The following CA8 variants were observed in gnomAD, a reference collection of about 807,000 sequenced individuals.
The protein encoded by CA8 is carbonic anhydrase-related protein.
Under a neutral mutation model 41.4 loss-of-function variants are expected in CA8, and 22 were observed. The ratio of observed to expected loss-of-function variants is 0.53; its 90% CI spans 0.38 to 0.76. The LOEUF is 0.76. Ranked by LOEUF, CA8 falls within the 30% of genes least tolerant of loss-of-function variation. The pLI is 0.00. For synonymous variants in CA8, 121 were observed against 130.6 expected, an observed-to-expected ratio of 0.93 and a Z score of 0.50; for missense variants, 270 against 352.8, an observed-to-expected ratio of 0.77 and a Z score of 1.88.
chr8:60,199,511 G>GT (rs1441252883), intron 8 of CA8, among the ~76,000 whole-genome samples: 1 of 152,146 alleles, frequency 6.6e-6, no homozygotes, highest in Non-Finnish European at 1.5e-5. Context: ...AATAAAAGCA[G>GT]TAAGAACTCA....
intron 3 of CA8, among the ~76,000 whole-genome samples, chr8:60,239,388 G>A (rs1807940239): frequency 6.6e-6 from 1 of 152,188 alleles, no homozygotes; most frequent in African/African-American, 2.4e-5. Context: ...GATACCCCTA[G>A]AGCAGGGGTG....
intron 8 of CA8, among the ~76,000 whole-genome samples, chr8:60,207,339 T>C (rs1352232373): frequency 2.6e-5 from 4 of 152,188 alleles, no homozygotes; most frequent in African/African-American, 9.7e-5. Context: ...TATGAACATA[T>C]ACAATGTCTA....
intron 7 of CA8, among the ~76,000 whole-genome samples, chr8:60,219,098 C>G (rs1448198874): frequency 6.6e-6 from 1 of 152,042 alleles, no homozygotes; most frequent in African/African-American, 2.4e-5. Context: ...TGCTCCCATC[C>G]TCACTACTTG....
At chr8:60,215,564 TA>T (rs1184247704) in intron 7 of CA8, among the ~76,000 whole-genome samples, 1 of 151,974 alleles carries the variant, frequency 6.6e-6, no homozygotes, top group Non-Finnish European at 1.5e-5. Flanking sequence ...CCTATGGAAA[TA>T]AAAAAATTTT....
rs1169575912 is a variant in CA8 at position 60,186,559 on chromosome 8, A to C, written c.*3462T>G. ...ATGGCAGACACAAATCCAACTATAT[A>C]AACAATAACATTAAGTGCAAATGGG... On this transcript the variant is annotated 3_prime_UTR_variant, in exon 9 of 9. Transcript: ENST00000317995. Among the ~76,000 whole-genome samples the C allele has an allele frequency of 6.6e-6, 1 of 151,926 alleles. No individual in the cohort carries two copies. Among genetic ancestry groups the C allele is most frequent in the African/African-American group, 2.4e-5 (1 of 41,458 alleles).
chr8:60,219,989 C>T (rs891130200), intron 7 of CA8, among the ~76,000 whole-genome samples: 1 of 148,862 alleles, frequency 6.7e-6, no homozygotes, highest in African/African-American at 2.5e-5. Flanking sequence ...CCCTAAAACC[C>T]TCCTTGCCTT....
At chr8:60,230,040 T>G (rs1370212573) in intron 4 of CA8, among the ~76,000 whole-genome samples, 1 of 152,174 alleles carries the variant, frequency 6.6e-6, no homozygotes, top group East Asian at 1.9e-4. Flanking sequence ...ATCATCCCCT[T>G]CTGGTCTATT....
chr8:60,246,841 A>G (rs1228853249), intron 3 of CA8, among the ~76,000 whole-genome samples: 3 of 151,696 alleles, frequency 2.0e-5, no homozygotes, highest in Non-Finnish European at 2.9e-5. Context: ...AAAGTGTAAT[A>G]AAAACATTGT....
intron 8 of CA8, 147 bp downstream of exon 8, chr8:60,208,599 TTAAC>T (rs767399358): frequency 5.9e-6 from 4 of 682,884 alleles, no homozygotes; most frequent in South Asian, 3.5e-5. Context: ...TGACCTGTAA[TTAAC>T]AGAGCTCAAG....
intron 7 of CA8, among the ~76,000 whole-genome samples, chr8:60,217,029 G>A (rs778030492): frequency 4.6e-5 from 7 of 152,082 alleles, no homozygotes; most frequent in East Asian, 3.9e-4. Flanking sequence ...GATTACAGGC[G>A]CCTGCCACCA....
rs1315135574 is a variant in CA8 at position 60,232,332 on chromosome 8, C to T, written c.465G>A (p.Glu155=). ...WNSTLFGSID[E]AVGKPHGIAI... is the part of the protein sequence containing the mutation. ...CGATTCCGTGCGGCTTCCCCACAGC[C>T]TCATCAATGCTGCCAAACAGAGTGG... Residue 155 remains glutamate (E), a synonymous_variant, in exon 4 of 9, where the codon GAG becomes GAA. Transcript: ENST00000317995. 3 of 1,614,102 alleles carry T rather than the reference C, an allele frequency of 1.9e-6. No individual in the cohort carries two copies. The highest frequency in any genetic ancestry group is 1.3e-5 in the African/African-American group (1 of 75,040).
chr8:60,276,784 C>T (rs867889468), intron 2 of CA8, among the ~76,000 whole-genome samples: 1 of 151,960 alleles, frequency 6.6e-6, no homozygotes, highest in Non-Finnish European at 1.5e-5. Flanking sequence ...AAGTATACAG[C>T]GATAATACGA....
chr8:60,214,949 A>C (rs1401279073), intron 7 of CA8, among the ~76,000 whole-genome samples: 1 of 152,198 alleles, frequency 6.6e-6, no homozygotes, highest in Non-Finnish European at 1.5e-5. Context: ...TAATATGAAA[A>C]TGTAGATAAG....
At chr8:60,254,288 G>A (rs1808548781) in intron 3 of CA8, among the ~76,000 whole-genome samples, 1 of 152,140 alleles carries the variant, frequency 6.6e-6, no homozygotes, top group South Asian at 2.1e-4. Context: ...TCAGTAAACA[G>A]CCTGTGGAAG....
At chr8:60,205,626 T>C (rs1416044875) in intron 8 of CA8, among the ~76,000 whole-genome samples, 4 of 152,166 alleles carry the variant, frequency 2.6e-5, no homozygotes, top group Non-Finnish European at 5.9e-5. Context: ...ATGACTTACA[T>C]ACTAATTCTT....
chr8:60,248,837 T>C (rs1808345427), intron 3 of CA8, among the ~76,000 whole-genome samples: 1 of 152,210 alleles, frequency 6.6e-6, no homozygotes, highest in African/African-American at 2.4e-5. Context: ...TAATGCTATA[T>C]AAATTACTTC....
At chr8:60,265,850 T>C (rs1803885253) in intron 3 of CA8, 75 bp downstream of exon 3, 9 of 1,519,984 alleles carry the variant, frequency 5.9e-6, no homozygotes, top group Non-Finnish European at 8.2e-6. Context: ...ACTTTTAAAC[T>C]AAATCATTTT....
At chr8:60,207,288 A>G (rs1471922095) in intron 8 of CA8, among the ~76,000 whole-genome samples, 1 of 152,210 alleles carries the variant, frequency 6.6e-6, no homozygotes, top group Non-Finnish European at 1.5e-5. Flanking sequence ...GATTTTATGC[A>G]CACTTAATTA....
chr8:60,189,555 T>A lies in CA8; in HGVS notation c.*466A>T, dbSNP rs1806054787. On this transcript the variant is annotated 3_prime_UTR_variant, in exon 9 of 9. Transcript: ENST00000317995. ...TTTTGAAGCTCTATGCTGTTCTTAA[T>A]CAAAACTCTTATTTTATTATCAAGA... The A allele has an allele frequency of 1.3e-5, 2 of 152,144 alleles. No individual in the cohort carries two copies. The highest frequency in any genetic ancestry group is 4.1e-4 in the South Asian group (2 of 4,830). 9.4% of individuals were successfully genotyped at this position (152,144 alleles called of 1,614,324 possible).
Sources: gnomAD v4.1 joint callset for allele counts (sites outside exome capture counted in the v4.1 genomes callset) on GRCh38, gnomAD v4.1.1 for gene constraint, MANE v1.5 for transcripts, NCBI Gene and HGNC (gene_info 2026-07-23, HGNC 2026-07-21) for gene names.